Variants in GYPB observed in about 807,000 individuals in gnomAD.
GYPB encodes the protein glycophorin B (MNS blood group), also known as glycophorin-B.
GYPB carries 13 observed loss-of-function variants against 15.3 expected under a neutral mutation model. The observed-to-expected ratio is 0.85, with a 90% confidence interval of 0.55 to 1.35. GYPB has a LOEUF of 1.35. Ranked by LOEUF, GYPB falls within the 40% of genes most tolerant of loss-of-function variation. The pLI, the probability that GYPB is intolerant of heterozygous loss-of-function variation, is 0.00. For missense variants in GYPB, 131 were observed against 108.3 expected (o/e 1.21, Z -0.93); for synonymous variants, 38 against 36.9 (o/e 1.03, Z -0.11).
chr4:143,998,651 C>T (rs1222284418), intron 3 of GYPB, among the ~76,000 whole-genome samples: 3 of 140,092 alleles, frequency 2.1e-5, no homozygotes, highest in African/African-American at 8.4e-5. Flanking sequence ...AAGATGGTCC[C>T]TAAGTGGTTG....
rs72727501 is a variant in GYPB at position 144,001,998 on chromosome 4, G to T, written c.38-715C>A. On this transcript the variant is annotated intron_variant, in intron 1 of 4. Coordinates refer to ENST00000502664, the MANE Select transcript of GYPB (RefSeq NM_002100.6). ...AAAAAAAAAAAAAAAAACCACACAC[G>T]CAAACAGGAAATCAGAATGTAGATT... Among the ~76,000 whole-genome samples, 145 of 139,498 alleles carry T rather than the reference G, an allele frequency of 1.0e-3. 2 individuals are homozygous for T. The highest frequency in any genetic ancestry group is 3.6e-3 in the African/African-American group (135 of 37,028). 91.5% of individuals were successfully genotyped at this position (139,498 alleles called of 152,430 possible). A position where few individuals can be genotyped will look rare whatever the true frequency, so the allele number is the denominator to read the frequency against.
At position 144,002,696 on chromosome 4, in the gene GYPB, T is replaced by A. The variant is rs1454118339; in HGVS notation, c.38-1413A>T. The A allele has an allele frequency of 2.3e-6, 3 of 1,286,598 alleles. No homozygotes were observed. In the South Asian group the frequency reaches 3.7e-5, roughly 16 times the overall value. The allele number at this position is 1,286,598 out of a possible 1,614,324, so 79.7% of individuals were successfully genotyped here. A position where few individuals can be genotyped will look rare whatever the true frequency, so the allele number is the denominator to read the frequency against. ...CCTCAGCTGAATGCTCAAAGTTTCC[T>A]GGAGAGCACACAAATAACAGAAAAC... On this transcript the variant is annotated intron_variant, in intron 1 of 4. Coordinates refer to ENST00000502664, the MANE Select transcript of GYPB (RefSeq NM_002100.6).
At chr4:144,019,086 C>T (rs748625635) in intron 1 of GYPB, among the ~76,000 whole-genome samples, 165 bp downstream of exon 1, 1 of 151,304 alleles carries the variant, frequency 6.6e-6, no homozygotes, top group East Asian at 1.9e-4. Flanking sequence ...TCATTTCCCC[C>T]ACATTGGTAG....
intron 1 of GYPB, among the ~76,000 whole-genome samples, chr4:144,009,702 C>T (rs1282101723): frequency 6.8e-6 from 1 of 146,326 alleles, no homozygotes; most frequent in Non-Finnish European, 1.5e-5. Context: ...CAAACTCCGC[C>T]TCCCGGGTTC....
chr4:144,007,804 A>C (rs1424960579), intron 1 of GYPB, among the ~76,000 whole-genome samples: 1 of 151,386 alleles, frequency 6.6e-6, no homozygotes, highest in Admixed American at 6.6e-5. Flanking sequence ...GCTTTAAAAA[A>C]AGTTTTGCTT....
intron 1 of GYPB, among the ~76,000 whole-genome samples, chr4:144,015,392 T>G (rs191623836): frequency 0.012 from 1,891 of 151,500 alleles, 148 homozygotes; most frequent in African/African-American, 0.044. Context: ...ATCTATGATG[T>G]AAAAATGTAG....
chr4:144,009,052 A>G (rs1180732339), intron 1 of GYPB, among the ~76,000 whole-genome samples: 1 of 151,484 alleles, frequency 6.6e-6, no homozygotes, highest in Non-Finnish European at 1.5e-5. Flanking sequence ...TTGCCATCTT[A>G]AATGTTGGTG....
rs1727962057 is a variant in GYPB at position 144,007,158 on chromosome 4, T to G, written c.38-5875A>C. 2.0e-5 allele frequency among the ~76,000 whole-genome samples: 3 copies of G among 151,014 alleles called. No homozygotes were observed. In the South Asian group the frequency reaches 6.3e-4, roughly 31 times the overall value. Reference sequence around the variant, plus strand: ...AGCAGCCAACTACAATTTAGAAAAATTGAACTTAAGGATAAAGTGCTTTGT... The same window carrying G: ...AGCAGCCAACTACAATTTAGAAAAAGTGAACTTAAGGATAAAGTGCTTTGT... On this transcript the variant is annotated intron_variant, in intron 1 of 4. Coordinates refer to ENST00000502664, the MANE Select transcript of GYPB (RefSeq NM_002100.6).
chr4:144,009,242 A>G (rs184055977), intron 1 of GYPB, among the ~76,000 whole-genome samples: 1 of 151,436 alleles, frequency 6.6e-6, no homozygotes, highest in Non-Finnish European at 1.5e-5. Flanking sequence ...ACCTGTTCCC[A>G]TCTCCACCTG....
chr4:144,003,506 G>A (rs1727730237), intron 1 of GYPB, among the ~76,000 whole-genome samples: 1 of 151,396 alleles, frequency 6.6e-6, no homozygotes, highest in Admixed American at 6.6e-5. Flanking sequence ...ATATGGCAAA[G>A]AACCAACAAT....
At position 144,015,768 on chromosome 4, in the gene GYPB, G is replaced by A. The variant is rs867020387; in HGVS notation, c.37+3483C>T. 1.2e-4 allele frequency among the ~76,000 whole-genome samples: 18 copies of A among 151,242 alleles called. 1 individual carries two copies. Among genetic ancestry groups the A allele is most frequent in the Admixed American group, 3.9e-4 (6 of 15,206 alleles). On this transcript the variant is annotated intron_variant, in intron 1 of 4. Coordinates refer to ENST00000502664, the MANE Select transcript of GYPB (RefSeq NM_002100.6). ...CCATGCTAAATATATTTACAGGTTT[G>A]GCAGCTAGTCCAGCTCATCTCAGGC...
At chr4:144,005,721 C>G (rs1180491513) in intron 1 of GYPB, among the ~76,000 whole-genome samples, 2 of 151,764 alleles carry the variant, frequency 1.3e-5, no homozygotes, top group African/African-American at 4.9e-5. Context: ...TGTCCAGCAT[C>G]TGGCTACCCA....
chr4:144,018,603 A>T (rs1422367403), intron 1 of GYPB, among the ~76,000 whole-genome samples: 1 of 150,936 alleles, frequency 6.6e-6, no homozygotes, highest in Non-Finnish European at 1.5e-5. Flanking sequence ...TTAATAATTA[A>T]ATTTAAACTA....
intron 3 of GYPB, among the ~76,000 whole-genome samples, chr4:143,998,257 A>G (rs1246479308): frequency 6.6e-6 from 1 of 151,494 alleles, no homozygotes; most frequent in Non-Finnish European, 1.5e-5. Flanking sequence ...TTGTTAAGTC[A>G]TTTATATGTT....
Position 143,996,237 on chromosome 4 carries a change from A to G in GYPB, c.*62T>C. 6.5e-7 allele frequency: 1 copy of G among 1,550,168 alleles called. No homozygotes were observed. Among genetic ancestry groups the G allele is most frequent in the South Asian group, 1.2e-5 (1 of 84,014 alleles). ...ATAGCAGGTGCAGCCAGTTTGCATA[A>G]ACAAGAGAACAGCAGGTGCAGCCGG... On this transcript the variant is annotated 3_prime_UTR_variant, in exon 5 of 5. Coordinates refer to ENST00000502664, the MANE Select transcript of GYPB (RefSeq NM_002100.6).
Position 144,012,344 on chromosome 4 carries a change from G to A in GYPB, c.37+6907C>T, listed in dbSNP as rs1728257207. The A allele has an allele frequency of 2.0e-5, 3 of 151,482 alleles. No individual in the cohort carries two copies. In the South Asian group the frequency reaches 6.2e-4, roughly 31 times the overall value. The allele number at this position is 151,482 out of a possible 1,614,324, so 9.4% of individuals were successfully genotyped here. On this transcript the variant is annotated intron_variant, in intron 1 of 4. Coordinates refer to ENST00000502664, the MANE Select transcript of GYPB (RefSeq NM_002100.6). The stretch of plus-strand genomic sequence containing the variant: ...ACTAATTCCTCTAGCAACTACCTGA[G>A]ACCTTGCAAAATTTACTTAATCTCT...
At chr4:144,009,914 A>G (rs1395994244) in intron 1 of GYPB, among the ~76,000 whole-genome samples, 1 of 149,188 alleles carries the variant, frequency 6.7e-6, no homozygotes, top group Non-Finnish European at 1.5e-5. Context: ...TACCCGGCCT[A>G]TTTTGATTTT....
intron 3 of GYPB, 80 bp downstream of exon 3, chr4:143,999,331 A>C: frequency 1.3e-6 from 1 of 746,206 alleles, no homozygotes; most frequent in Admixed American, 2.3e-5. Flanking sequence ...TAAGATAGAC[A>C]CATTTTCTTA....
intron 3 of GYPB, among the ~76,000 whole-genome samples, chr4:143,998,911 T>C (rs1291951503): frequency 1.3e-5 from 2 of 150,230 alleles, no homozygotes; most frequent in African/African-American, 2.5e-5. Context: ...TATTTACTTA[T>C]GTATTTGTTT....
Sources: allele counts gnomAD v4.1 joint callset (sites outside exome capture counted in the v4.1 genomes callset), GRCh38; gene constraint gnomAD v4.1.1; transcripts MANE v1.5; gene names NCBI Gene and HGNC (gene_info 2026-07-23, HGNC 2026-07-21).